ARV1: variants seen among roughly 807,000 people sequenced by gnomAD.
The protein encoded by ARV1 is protein ARV1.
A neutral mutation model predicts 31.1 loss-of-function variants in ARV1; 26 were observed. That is an observed-to-expected ratio of 0.84 (90% CI 0.61 to 1.16). The LOEUF is 1.16. ARV1 is among the 50% of genes most tolerant of loss of function. The pLI is 0.00. For missense variants in ARV1, 281 were observed against 324.9 expected (o/e 0.86, Z 1.04); for synonymous variants, 117 against 123.2 (o/e 0.95, Z 0.34).
intron 4 of ARV1, 80 bp downstream of exon 4, chr1:230,996,064 T>A: frequency 2.6e-6 from 3 of 1,159,792 alleles, no homozygotes; most frequent in Non-Finnish European, 3.7e-6. Context: ...GTGCAGTTTT[T>A]ATATAACCTG....
chr1:230,986,797 A>G (rs994760009), intron 1 of ARV1, among the ~76,000 whole-genome samples: 1 of 144,374 alleles, frequency 6.9e-6, no homozygotes, highest in African/African-American at 2.6e-5. Context: ...TCGGACTCCC[A>G]AAGTGCTGGT....
chr1:230,984,834 A>G (rs536828511), intron 1 of ARV1, among the ~76,000 whole-genome samples: 3 of 152,370 alleles, frequency 2.0e-5, no homozygotes, highest in East Asian at 1.9e-4. Context: ...TATGCCGGAC[A>G]CGAACTCAAG....
intron 2 of ARV1, 148 bp downstream of exon 2, chr1:230,988,587 G>C: frequency 1.6e-6 from 1 of 638,790 alleles, no homozygotes; most frequent in Middle Eastern, 4.8e-4. Flanking sequence ...CAACATATCT[G>C]GAAGTTTCTA....
At chr1:230,983,434 T>G (rs563337171) in intron 1 of ARV1, among the ~76,000 whole-genome samples, 34 of 147,570 alleles carry the variant, frequency 2.3e-4, no homozygotes, top group African/African-American at 8.3e-4. Flanking sequence ...AAAAAAGTAC[T>G]TTTTATTTGC....
chr1:230,984,408 C>G (rs1434529430), intron 1 of ARV1, among the ~76,000 whole-genome samples: 1 of 103,200 alleles, frequency 9.7e-6, no homozygotes, highest in African/African-American at 3.3e-5. Context: ...GTGTAGTTTT[C>G]CTCTTCACAT....
chr1:230,986,262 C>T lies in ARV1; in HGVS notation c.175-2058C>T, dbSNP rs74143529. On this transcript the variant is annotated intron_variant, in intron 1 of 5. Transcript: ENST00000310256. ...TTAAGTTTGAGGTAACAGCACGTCT[C>T]CCTTCATTGGATCACTCGGTAACTG... is the stretch of plus-strand genomic sequence containing the variant. Among the ~76,000 whole-genome samples, 1,469 of 152,188 alleles carry T rather than the reference C, an allele frequency of 9.7e-3. 25 individuals carry two copies. The highest frequency in any genetic ancestry group is 0.033 in the African/African-American group (1,384 of 41,516).
intron 1 of ARV1, among the ~76,000 whole-genome samples, chr1:230,985,246 C>T (rs1421947529): frequency 6.6e-6 from 1 of 152,196 alleles, no homozygotes; most frequent in African/African-American, 2.4e-5. Context: ...AAGCACACAG[C>T]ATATCACATA....
intron 1 of ARV1, 74 bp from the exon 2 acceptor site, chr1:230,988,245 CT>C (rs1284332311): frequency 2.7e-5 from 36 of 1,342,884 alleles, no homozygotes; most frequent in Non-Finnish European, 3.5e-5. Flanking sequence ...AAAATAGACT[CT>C]GCTGTTTTGA....
intron 3 of ARV1, among the ~76,000 whole-genome samples, chr1:230,993,977 A>G (rs925103196): frequency 9.9e-5 from 15 of 152,228 alleles, no homozygotes; most frequent in African/African-American, 1.4e-4. Context: ...AATTTTCACA[A>G]TCATCCTCTG....
chr1:230,985,892 C>T (rs1429892015), intron 1 of ARV1, among the ~76,000 whole-genome samples: 1 of 151,770 alleles, frequency 6.6e-6, no homozygotes. Context: ...AAAATATTAA[C>T]TCCTTATGCG....
chr1:230,983,081 G>A (rs749751093), intron 1 of ARV1, among the ~76,000 whole-genome samples: 8 of 152,028 alleles, frequency 5.3e-5, no homozygotes, highest in Non-Finnish European at 1.2e-4. Context: ...CAATCCTGCT[G>A]CTTCAGCTCT....
intron 5 of ARV1, among the ~76,000 whole-genome samples, chr1:230,999,042 ATCTT>A (rs1219161977): frequency 1.3e-5 from 2 of 152,012 alleles, no homozygotes; most frequent in South Asian, 4.1e-4. Flanking sequence ...TTCCCATTAG[ATCTT>A]TCTTCACTGA....
intron 3 of ARV1, among the ~76,000 whole-genome samples, chr1:230,994,907 A>C (rs60115748): frequency 0.013 from 1,975 of 152,302 alleles, 39 homozygotes; most frequent in African/African-American, 0.043. Context: ...GGCTTTATTA[A>C]GTTTAAAAAA....
At chr1:230,984,359 T>TGTGTGTGTGCGCGCGC (rs71179756) in intron 1 of ARV1, among the ~76,000 whole-genome samples, 8 of 93,450 alleles carry the variant, frequency 8.6e-5, no homozygotes, top group African/African-American at 3.4e-4. Flanking sequence ...TGTGTGTGTG[T>TGTGTGTGTGCGCGCGC]GTGCGTGTGT....
At chr1:230,982,835 A>G (rs1039898182) in intron 1 of ARV1, among the ~76,000 whole-genome samples, 3 of 152,206 alleles carry the variant, frequency 2.0e-5, no homozygotes, top group Non-Finnish European at 4.4e-5. Context: ...TAAACATTAG[A>G]CCATGTGTTG....
At chr1:230,999,362 C>G (rs1196955989) in intron 5 of ARV1, among the ~76,000 whole-genome samples, 1 of 152,216 alleles carries the variant, frequency 6.6e-6, no homozygotes, top group East Asian at 1.9e-4. Flanking sequence ...ACCTCCAAAC[C>G]AGCCTGCAAC....
chr1:230,987,903 G>C (rs1001618794), intron 1 of ARV1, among the ~76,000 whole-genome samples: 1 of 152,076 alleles, frequency 6.6e-6, no homozygotes, highest in Non-Finnish European at 1.5e-5. Flanking sequence ...TAAAGTCAGG[G>C]GCATCTAGCC....
At chr1:230,986,589 G>A (rs1229149018) in intron 1 of ARV1, among the ~76,000 whole-genome samples, 1 of 149,362 alleles carries the variant, frequency 6.7e-6, no homozygotes, top group East Asian at 2.0e-4. Flanking sequence ...TGAAACCACA[G>A]ATAGTATGGA....
intron 1 of ARV1, among the ~76,000 whole-genome samples, chr1:230,986,666 C>CTTTTTTTTTTTT (rs1558242688): frequency 6.3e-5 from 5 of 79,690 alleles, no homozygotes; most frequent in South Asian, 4.9e-4. Flanking sequence ...AATACTTTTC[C>CTTTTTTTTTTTT]TATTTTTTTT....
Sources: allele counts gnomAD v4.1 joint callset (sites outside exome capture counted in the v4.1 genomes callset), GRCh38; gene constraint gnomAD v4.1.1; transcripts MANE v1.5; gene names NCBI Gene and HGNC (gene_info 2026-07-23, HGNC 2026-07-21).